ASPA: variants seen among roughly 807,000 people sequenced by gnomAD.
ASPA encodes the protein ACY-2.
A neutral mutation model predicts 29.6 loss-of-function variants in ASPA; 25 were observed. The observed-to-expected ratio is 0.85, with a 90% CI of 0.62 to 1.18. The LOEUF (loss-of-function observed/expected upper bound fraction) is 1.18. Among genes scored for constraint, ASPA ranks in the 50% most tolerant of loss-of-function variants. The pLI, the probability that ASPA is intolerant of heterozygous loss-of-function variation, is 0.00. For missense variants in ASPA, 333 were observed against 385.7 expected, an observed-to-expected ratio of 0.86 and a Z score of 1.14; for synonymous variants, 131 against 130.3, an observed-to-expected ratio of 1.01 and a Z score of -0.04.
At chr17:3,489,011 T>G (rs1313949128) in intron 3 of ASPA, among the ~76,000 whole-genome samples, 2 of 152,210 alleles carry the variant, frequency 1.3e-5, no homozygotes, top group Non-Finnish European at 2.9e-5. Context: ...TTTTTCCATG[T>G]TCTTTCCCAG....
In ASPA at chr17:3,494,464, C is replaced by T. The variant is rs372034048; in HGVS notation, c.744+5C>T. Reference sequence around the variant, plus strand: ...ATCATCCATCCTAATCTGCAGGTAACATTTGTTCTTTCTTTAAAATGTTGA... The same window carrying T: ...ATCATCCATCCTAATCTGCAGGTAATATTTGTTCTTTCTTTAAAATGTTGA... On this transcript the variant is annotated splice_donor_5th_base_variant and intron_variant, in intron 5 of 5. Coordinates refer to ENST00000263080, the MANE Select transcript of ASPA (RefSeq NM_000049.4). 20 of 1,588,334 alleles carry T rather than the reference C, an allele frequency of 1.3e-5. No homozygotes were observed. The African/African-American group carries it at 2.4e-4, about 19-fold the overall frequency.
chr17:3,475,502 T>A (rs1183553684), upstream of ASPA: 1 of 152,350 alleles, frequency 6.6e-6, no homozygotes, highest in African/African-American at 2.4e-5. Flanking sequence ...TGTTTCAGGG[T>A]AGCTTTTCGA....
At chr17:3,480,559 A>G (rs2073610229) in intron 1 of ASPA, among the ~76,000 whole-genome samples, 1 of 152,190 alleles carries the variant, frequency 6.6e-6, no homozygotes, top group Admixed American at 6.5e-5. Flanking sequence ...AAATATCTCA[A>G]GCCCTGATCT....
At chr17:3,483,816 C>A (rs1179290626) in intron 3 of ASPA, among the ~76,000 whole-genome samples, 1 of 152,088 alleles carries the variant, frequency 6.6e-6, no homozygotes, top group African/African-American at 2.4e-5. Context: ...GCATGTGCCA[C>A]CCTGTAATTT....
At chr17:3,481,833 A>C (rs774310410) in intron 2 of ASPA, 35 bp downstream of exon 2, 102 of 1,527,492 alleles carry the variant, frequency 6.7e-5, no homozygotes, top group Non-Finnish European at 8.8e-5. Flanking sequence ...AAGTTAGCAA[A>C]GGACTTGTAC....
At chr17:3,479,803 C>T (rs1390415177) in intron 1 of ASPA, among the ~76,000 whole-genome samples, 1 of 152,028 alleles carries the variant, frequency 6.6e-6, no homozygotes, top group Non-Finnish European at 1.5e-5. Context: ...CTTGAAGATA[C>T]TAGCAAAAAT....
In ASPA at chr17:3,490,501, G is replaced by A. The variant is rs140619892; in HGVS notation, c.634+1159G>A. The stretch of plus-strand genomic sequence containing the variant: ...TAATAACAGAGGGGGTGTGTACTTC[G>A]GTGTCTGTGGGGAGTGAATTCCTCA... On this transcript the variant is annotated intron_variant, in intron 4 of 5. Transcript: ENST00000263080. The surrounding 1 kb of genome is among the most constrained non-coding windows in gnomAD (Gnocchi z 4.6). Among the ~76,000 whole-genome samples, 28 of 152,046 alleles carry A rather than the reference G, an allele frequency of 1.8e-4. 1 individual carries two copies. The East Asian group carries it at 4.1e-3, about 22-fold the overall frequency.
intron 3 of ASPA, 74 bp from the exon 4 acceptor site, chr17:3,489,161 T>C: frequency 2.3e-6 from 2 of 887,672 alleles, no homozygotes; most frequent in Non-Finnish European, 3.6e-6. Context: ...TAAATCTTGA[T>C]ACATTAAAAT....
At chr17:3,476,421 T>C in intron 1 of ASPA, 26 bp downstream of exon 1, 1 of 1,598,276 alleles carries the variant, frequency 6.3e-7, no homozygotes, top group Non-Finnish European at 8.6e-7. Context: ...GTATTGTATA[T>C]GTATGTATGT....
intron 5 of ASPA, 75 bp from the exon 6 acceptor site, chr17:3,498,816 T>C (rs1305364677): frequency 7.6e-6 from 10 of 1,310,088 alleles, no homozygotes; most frequent in African/African-American, 4.5e-5. Context: ...ATTTGTTAGT[T>C]GTCTAGAGTC....
At chr17:3,496,313 A>C (rs1280655024) in intron 5 of ASPA, among the ~76,000 whole-genome samples, 2 of 152,236 alleles carry the variant, frequency 1.3e-5, no homozygotes, top group Non-Finnish European at 2.9e-5. Context: ...ACAATATGTA[A>C]ACCAAATCAT....
chr17:3,474,380 A>G (rs2073490726), upstream of ASPA, among the ~76,000 whole-genome samples: 1 of 152,242 alleles, frequency 6.6e-6, no homozygotes, highest in Admixed American at 6.5e-5. Flanking sequence ...AGACTAGGGC[A>G]AAGGACAGAA....
intron 4 of ASPA, among the ~76,000 whole-genome samples, chr17:3,493,116 A>G (rs2073851580): frequency 1.3e-5 from 2 of 152,208 alleles, no homozygotes; most frequent in South Asian, 4.1e-4. Flanking sequence ...GCTCAGAGAT[A>G]GCCTGGTATA....
chr17:3,495,026 A>C (rs911458215), intron 5 of ASPA, among the ~76,000 whole-genome samples: 18 of 151,412 alleles, frequency 1.2e-4, no homozygotes, highest in Non-Finnish European at 8.8e-5. Flanking sequence ...CCATTCCCCA[A>C]CTCTCCTCAG....
Position 3,499,137 on chromosome 17 carries a change from G to A in ASPA, c.*49G>A, listed in dbSNP as rs1367417366. The stretch of plus-strand genomic sequence containing the variant: ...ACACGGTGTCTTACAAATTCTGCTA[G>A]TCTGTAAGCTCCTTAAGAGTAGGGT... On this transcript the variant is annotated 3_prime_UTR_variant, in exon 6 of 6. Transcript: ENST00000263080. The A allele has an allele frequency of 6.4e-7, 1 of 1,574,664 alleles. No individual in the cohort carries two copies. Among genetic ancestry groups the A allele is most frequent in the Non-Finnish European group, 8.7e-7 (1 of 1,154,392 alleles).
In ASPA at chr17:3,481,644, C is replaced by T; in HGVS notation, c.278C>T (p.Ala93Val). ...GATTTGCCATATGAAGTGAGAAGGG[C>T]TCAAGAAATAAATCATTTATTTGGT... is the stretch of plus-strand genomic sequence containing the variant. ...SEDLPYEVRR[A>V]QEINHLFGPK... The change falls in exon 2 of 6, where the codon GCT becomes GTT. Residue 93 changes from alanine to valine, a missense_variant. Coordinates refer to ENST00000263080, the MANE Select transcript of ASPA (RefSeq NM_000049.4). 1 of 1,613,738 alleles carries T rather than the reference C, an allele frequency of 6.2e-7. No homozygotes were observed.
At chr17:3,482,449 G>T (rs749906256) in intron 2 of ASPA, among the ~76,000 whole-genome samples, 11 of 152,182 alleles carry the variant, frequency 7.2e-5, no homozygotes, top group Non-Finnish European at 1.5e-4. Flanking sequence ...TTATTTCTGT[G>T]TACTAGATAG....
chr17:3,492,629 TC>T (rs1567616478), intron 4 of ASPA, among the ~76,000 whole-genome samples: 1 of 152,212 alleles, frequency 6.6e-6, no homozygotes, highest in Admixed American at 6.5e-5. Flanking sequence ...CTTGCTCTCT[TC>T]CTGCTCTTGG....
chr17:3,478,458 A>G (rs1205463332), intron 1 of ASPA, among the ~76,000 whole-genome samples: 1 of 152,174 alleles, frequency 6.6e-6, no homozygotes, highest in East Asian at 1.9e-4. Flanking sequence ...TATCTTCATG[A>G]CTGAGGTTAT....
Sources: allele counts gnomAD v4.1 joint callset (sites outside exome capture counted in the v4.1 genomes callset), GRCh38; gene constraint gnomAD v4.1.1; non-coding constraint Gnocchi (gnomAD v3.1); transcripts MANE v1.5; gene names NCBI Gene and HGNC (gene_info 2026-07-23, HGNC 2026-07-21).